The following PGAP1 variants were observed in gnomAD, a reference collection of about 807,000 sequenced individuals.
The protein encoded by PGAP1 is post-GPI attachment to proteins inositol deacylase 1.
In PGAP1, 76 loss-of-function variants were observed where a neutral mutation model predicts 127.0. The ratio of observed to expected loss-of-function variants is 0.60; its 90% confidence interval spans 0.50 to 0.72. The LOEUF (loss-of-function observed/expected upper bound fraction) is 0.72. PGAP1 is among the 30% of genes least tolerant of loss of function. The pLI is 0.00. For missense variants in PGAP1, 982 were observed against 1,071.3 expected (o/e 0.92, Z 1.16); for synonymous variants, 362 against 366.5 (o/e 0.99, Z 0.14).
intron 1 of PGAP1, among the ~76,000 whole-genome samples, chr2:196,920,680 C>T (rs1013545739): frequency 6.6e-6 from 1 of 152,074 alleles, no homozygotes; most frequent in Non-Finnish European, 1.5e-5. Context: ...TATGCTTTGG[C>T]CTACAATATG....
intron 4 of PGAP1, among the ~76,000 whole-genome samples, chr2:196,905,620 G>C (rs1198626221): frequency 1.3e-5 from 2 of 152,140 alleles, no homozygotes; most frequent in African/African-American, 2.4e-5. Flanking sequence ...AATAGGAACA[G>C]CTCCGGTCTA....
chr2:196,848,758 T>C (rs746940995), intron 20 of PGAP1, among the ~76,000 whole-genome samples: 9 of 152,232 alleles, frequency 5.9e-5, no homozygotes, highest in African/African-American at 9.6e-5. Flanking sequence ...ATAATACTCC[T>C]ATGAACATTT....
rs1235130804 is a variant in PGAP1, at chr2:196,838,122, C to T, written c.*3112G>A. The T allele has an allele frequency of 2.0e-5, 3 of 152,182 alleles. No homozygotes were observed. The highest frequency in any genetic ancestry group is 7.2e-5 in the African/African-American group (3 of 41,440). The allele number at this position is 152,182 out of a possible 1,614,324, so 9.4% of individuals were successfully genotyped here. On this transcript the variant is annotated 3_prime_UTR_variant, in exon 27 of 27. Transcript: ENST00000354764. ...CAATCAGTAGTAACTCCAAAGGAGG[C>T]TTTAGAAATACTAAATGTTCCCAGT... is the stretch of plus-strand genomic sequence containing the variant.
At position 196,856,472 on chromosome 2, in the gene PGAP1, T is replaced by G. The variant is rs74865739; in HGVS notation, c.1862-8435A>C. 8.0e-3 allele frequency among the ~76,000 whole-genome samples: 1,216 copies of G among 152,352 alleles called. 10 individuals are homozygous for G. Among genetic ancestry groups the G allele is most frequent in the African/African-American group, 0.028 (1,154 of 41,582 alleles). ...GACTATACTACTTGATAAACTAGAC[T>G]AGATCCTGCATTCTTCTAGATTCTT... is the stretch of plus-strand genomic sequence containing the variant. On this transcript the variant is annotated intron_variant, in intron 20 of 26. Coordinates refer to ENST00000354764, the MANE Select transcript of PGAP1 (RefSeq NM_024989.4).
At position 196,919,020 on chromosome 2, in the gene PGAP1, T is replaced by C. The variant is rs536210878; in HGVS notation, c.301+977A>G. ...CTCTTTTTACTTTCTCTAGTCACGA[T>C]AGCCTCCAATGCACAAAACACGTTC... On this transcript the variant is annotated intron_variant, in intron 2 of 26. Coordinates refer to ENST00000354764, the MANE Select transcript of PGAP1 (RefSeq NM_024989.4). Among the ~76,000 whole-genome samples, 9 of 152,290 alleles carry C rather than the reference T, an allele frequency of 5.9e-5. 1 individual carries two copies. In the South Asian group the frequency reaches 1.0e-3, roughly 18 times the overall value.
intron 20 of PGAP1, among the ~76,000 whole-genome samples, chr2:196,857,618 T>A (rs1396750969): frequency 6.6e-6 from 1 of 152,176 alleles, no homozygotes; most frequent in African/African-American, 2.4e-5. Flanking sequence ...ACATGGTCAT[T>A]TGTGTTAAAA....
intron 1 of PGAP1, among the ~76,000 whole-genome samples, chr2:196,921,699 A>G (rs866924769): frequency 1.3e-5 from 2 of 152,190 alleles, no homozygotes; most frequent in Non-Finnish European, 2.9e-5. Context: ...AATATTTTAT[A>G]TACTTCATAA....
At chr2:196,901,132 C>T (rs910892964) in intron 5 of PGAP1, among the ~76,000 whole-genome samples, 1 of 152,172 alleles carries the variant, frequency 6.6e-6, no homozygotes, top group Non-Finnish European at 1.5e-5. Context: ...ATGACTAAAT[C>T]GTCTGTGTTT....
Position 196,843,927 on chromosome 2 carries a change from A to C in PGAP1, c.2486T>G (p.Leu829Arg). 1 of 1,577,512 alleles carries C rather than the reference A, an allele frequency of 6.3e-7. No individual in the cohort carries two copies. The highest frequency in any genetic ancestry group is 8.6e-7 in the Non-Finnish European group (1 of 1,158,306). Residue 829 changes from leucine (L) to arginine (R), a missense_variant, in exon 25 of 27, where the codon CTC (leucine) becomes CGC (arginine). Leu to Arg is a moderately radical substitution (Grantham distance 102, BLOSUM62 -2). Coordinates refer to ENST00000354764, the MANE Select transcript of PGAP1 (RefSeq NM_024989.4). ...CCAATAAATTAGAGAAGGCATGCTG[A>C]GTAATACAATCCATGTTAGTAAGTT... ...VINLLTWIVL[L>R]SMPSLIYWLK...
In PGAP1 at chr2:196,920,100, C is replaced by T. The variant is rs755140901; in HGVS notation, c.198G>A (p.Leu66=). ...KLAKRYPAYE[L]YLYGEGSYAE... ...CATAGGATCCCTCTCCATAAAGATA[C>T]AACTCATATGCGGGATAGCGTTTTG... is the stretch of plus-strand genomic sequence containing the variant. Residue 66 remains leucine (L), a synonymous_variant, in exon 2 of 27, where the codon TTG becomes TTA. Transcript: ENST00000354764. The T allele has an allele frequency of 5.6e-6, 9 of 1,613,112 alleles. No homozygotes were observed. Among genetic ancestry groups the T allele is most frequent in the Non-Finnish European group, 3.4e-6 (4 of 1,179,410 alleles).
chr2:196,873,693 A>G lies in PGAP1; in HGVS notation c.1492T>C (p.Phe498Leu). Residue 498 changes from phenylalanine to leucine, a missense_variant, in exon 15 of 27, where the codon TTT (phenylalanine) becomes CTT (leucine). Physicochemically the swap from Phe to Leu is conservative, Grantham distance 22 (BLOSUM62 0). Transcript: ENST00000354764. ...GLYYNLELLN[F>L]GQIYQAFKIN... ...TAGTCAGGATTAATTACCTGTCCAA[A>G]GTTCAGAAGCTCTAGATTGTAGTAT... 6.2e-7 allele frequency: 1 copy of G among 1,610,896 alleles called. No individual in the cohort carries two copies.
At chr2:196,911,701 T>C (rs1028364788) in intron 4 of PGAP1, among the ~76,000 whole-genome samples, 2 of 151,178 alleles carry the variant, frequency 1.3e-5, no homozygotes, top group Non-Finnish European at 2.9e-5. Context: ...AAGAATTCTT[T>C]CTAAAGATTT....
At chr2:196,903,160 A>G (rs1702554595) in intron 4 of PGAP1, among the ~76,000 whole-genome samples, 3 of 152,076 alleles carry the variant, frequency 2.0e-5, no homozygotes, top group Admixed American at 2.0e-4. Flanking sequence ...TGGTATATGC[A>G]CATGTTCAAA....
intron 12 of PGAP1, among the ~76,000 whole-genome samples, chr2:196,882,869 GC>G (rs2125809651): frequency 1.3e-5 from 2 of 152,192 alleles, no homozygotes; most frequent in South Asian, 4.2e-4. Context: ...GATTGCCCTG[GC>G]CAGGTCTTCC....
chr2:196,902,966 G>GT, intron 4 of PGAP1, among the ~76,000 whole-genome samples: 1 of 151,720 alleles, frequency 6.6e-6, no homozygotes, highest in Non-Finnish European at 1.5e-5. Flanking sequence ...GTTACTAAAG[G>GT]TATCAATTAA....
intron 20 of PGAP1, among the ~76,000 whole-genome samples, chr2:196,853,278 G>C (rs7564179): frequency 0.11 from 17,073 of 152,186 alleles, 1,240 homozygotes; most frequent in African/African-American, 0.21. Context: ...AGTTCTAACT[G>C]TACTGTTATG....
rs1700341731 is a variant in PGAP1, at chr2:196,839,417, A to G, written c.*1817T>C. On this transcript the variant is annotated 3_prime_UTR_variant, in exon 27 of 27. Transcript: ENST00000354764. ...CCATGGGACAAGTATATAATCTAAT[A>G]AATTCTCTCTCTTTCCTCTCCAGCT... 1 of 152,238 alleles carries G rather than the reference A, an allele frequency of 6.6e-6. No individual in the cohort carries two copies. The highest frequency in any genetic ancestry group is 6.5e-5 in the Admixed American group (1 of 15,286). 9.4% of individuals were successfully genotyped at this position (152,238 alleles called of 1,614,324 possible). A position where few individuals can be genotyped will look rare whatever the true frequency, so the allele number is the denominator to read the frequency against.
intron 9 of PGAP1, among the ~76,000 whole-genome samples, chr2:196,891,313 A>G (rs577937035): frequency 7.2e-5 from 11 of 152,302 alleles, no homozygotes; most frequent in African/African-American, 2.6e-4. Flanking sequence ...ATAGTTCCTT[A>G]AAGAAATAGC....
chr2:196,849,938 C>A (rs147186671), intron 20 of PGAP1, among the ~76,000 whole-genome samples: 1 of 152,320 alleles, frequency 6.6e-6, no homozygotes, highest in East Asian at 1.9e-4. Flanking sequence ...CCATTCTCCA[C>A]CCCTCACTTT....
Sources: gnomAD v4.1 joint callset for allele counts (sites outside exome capture counted in the v4.1 genomes callset) on GRCh38, gnomAD v4.1.1 for gene constraint, MANE v1.5 for transcripts, NCBI Gene and HGNC (gene_info 2026-07-23, HGNC 2026-07-21) for gene names.